COL14A1: variants seen among roughly 807,000 people sequenced by gnomAD.
COL14A1 encodes the protein collagen alpha-1(XIV) chain.
A neutral mutation model predicts 230.3 loss-of-function variants in COL14A1; 136 were observed. That is an observed-to-expected ratio of 0.59 (90% CI 0.51 to 0.68). The LOEUF (loss-of-function observed/expected upper bound fraction) is 0.68, where lower values mean the gene tolerates loss of function less well. Ranked by LOEUF, COL14A1 falls within the 30% of genes least tolerant of loss-of-function variation. COL14A1 has a pLI of 0.00. For missense variants in COL14A1, 1,976 were observed against 2,215.8 expected (o/e 0.89, Z 2.17); for synonymous variants, 792 against 784.1 (o/e 1.01, Z -0.17).
chr8:120,291,037 AAG>A (rs1195115134), intron 34 of COL14A1, among the ~76,000 whole-genome samples: 1 of 152,204 alleles, frequency 6.6e-6, no homozygotes, highest in Non-Finnish European at 1.5e-5. Flanking sequence ...CAGTTACAGT[AAG>A]AGACTTTTGG....
At chr8:120,312,868 G>C (rs780444662) in intron 37 of COL14A1, among the ~76,000 whole-genome samples, 1 of 152,210 alleles carries the variant, frequency 6.6e-6, no homozygotes. Context: ...ATACACAGAT[G>C]TTGGAGGTCC....
chr8:120,222,770 T>C (rs1052285641), intron 14 of COL14A1, among the ~76,000 whole-genome samples: 2 of 122,504 alleles, frequency 1.6e-5, no homozygotes, highest in African/African-American at 6.0e-5. Flanking sequence ...TTCTATTCAC[T>C]CAAAAAAAAA....
intron 5 of COL14A1, among the ~76,000 whole-genome samples, chr8:120,193,339 C>T (rs1389938932): frequency 2.6e-5 from 4 of 152,206 alleles, no homozygotes; most frequent in Non-Finnish European, 4.4e-5. Flanking sequence ...TGCGTATCAG[C>T]AACGGTGGCT....
intron 1 of COL14A1, among the ~76,000 whole-genome samples, chr8:120,145,639 A>G (rs1000804538): frequency 1.3e-5 from 2 of 152,148 alleles, no homozygotes; most frequent in African/African-American, 4.8e-5. Flanking sequence ...ACAAACAAAC[A>G]AACAATGCAT....
At chr8:120,343,843 T>C (rs994844942) in intron 44 of COL14A1, among the ~76,000 whole-genome samples, 11 of 152,186 alleles carry the variant, frequency 7.2e-5, no homozygotes, top group Non-Finnish European at 1.6e-4. Context: ...TGATTTCAAG[T>C]GTACAATGTA....
At chr8:120,241,960 G>A (rs1818620280) in intron 19 of COL14A1, among the ~76,000 whole-genome samples, 1 of 152,058 alleles carries the variant, frequency 6.6e-6, no homozygotes, top group Non-Finnish European at 1.5e-5. Flanking sequence ...AATCCAAAAC[G>A]TTTTGAACAC....
intron 37 of COL14A1, 57 bp downstream of exon 37, chr8:120,310,119 A>AG: frequency 1.3e-6 from 2 of 1,561,868 alleles, no homozygotes; most frequent in South Asian, 2.3e-5. Flanking sequence ...TCTCATAAAT[A>AG]GCCATCATTT....
intron 36 of COL14A1, among the ~76,000 whole-genome samples, chr8:120,304,863 C>T (rs1297172758): frequency 6.6e-6 from 1 of 152,092 alleles, no homozygotes; most frequent in South Asian, 2.1e-4. Flanking sequence ...TCCAAGAAAT[C>T]AAGTCCCTAG....
chr8:120,263,108 C>G, intron 24 of COL14A1, 94 bp downstream of exon 24: 1 of 1,346,650 alleles, frequency 7.4e-7, no homozygotes, highest in Non-Finnish European at 9.9e-7. Flanking sequence ...AAAATATTAG[C>G]TATTGCTGTT....
At chr8:120,224,453 A>G (rs1818032978) in intron 14 of COL14A1, among the ~76,000 whole-genome samples, 1 of 152,004 alleles carries the variant, frequency 6.6e-6, no homozygotes, top group African/African-American at 2.4e-5. Flanking sequence ...CAACCCACCC[A>G]TCTTCTCTTA....
intron 1 of COL14A1, among the ~76,000 whole-genome samples, chr8:120,130,934 T>C (rs1054098193): frequency 2.0e-5 from 3 of 152,160 alleles, no homozygotes; most frequent in African/African-American, 7.2e-5. Flanking sequence ...CCATGTGTAC[T>C]GTTTAGCTCC....
At chr8:120,299,865 T>C (rs1313038454) in intron 35 of COL14A1, among the ~76,000 whole-genome samples, 1 of 152,156 alleles carries the variant, frequency 6.6e-6, no homozygotes, top group Non-Finnish European at 1.5e-5. Context: ...CTGTCATCTG[T>C]GCTCTATTTG....
chr8:120,269,986 A>G (rs1310872930), intron 25 of COL14A1, 49 bp from the exon 26 acceptor site: 14 of 1,602,184 alleles, frequency 8.7e-6, no homozygotes, highest in Non-Finnish European at 1.1e-5. Context: ...TTTAATAACT[A>G]CTAACTTTTC....
chr8:120,297,574 G>T lies in COL14A1; in HGVS notation c.4300G>T (p.Glu1434Ter). 7.1e-7 allele frequency: 1 copy of T among 1,412,658 alleles called. No homozygotes were observed. The highest frequency in any genetic ancestry group is 9.3e-7 in the Non-Finnish European group (1 of 1,077,616). The allele number at this position is 1,412,658 out of a possible 1,614,324, so 87.5% of individuals were successfully genotyped here. A position where few individuals can be genotyped will look rare whatever the true frequency, so the allele number is the denominator to read the frequency against. The change falls in exon 35 of 48, where the codon GAA becomes TAA. Residue 1434 changes from glutamate to a stop codon, truncating the protein, a stop_gained. Coordinates refer to ENST00000297848, the MANE Select transcript of COL14A1 (RefSeq NM_021110.4). LOFTEE classifies it high-confidence loss of function. ...TSWANTDKCC[E>*]LPGLRDDESC... ...ATGGGCCAATACAGACAAATGCTGT[G>T]AACTTCCAGGCCTGGTAAGAATTCT...
intron 34 of COL14A1, among the ~76,000 whole-genome samples, chr8:120,295,565 ATAT>A (rs1457816735): frequency 1.3e-5 from 2 of 151,798 alleles, no homozygotes; most frequent in East Asian, 3.9e-4. Flanking sequence ...CATTTCATAG[ATAT>A]TATTATTGTG....
chr8:120,348,887 C>A (rs183984063), intron 45 of COL14A1, among the ~76,000 whole-genome samples: 8 of 152,228 alleles, frequency 5.3e-5, no homozygotes, highest in Non-Finnish European at 7.4e-5. Flanking sequence ...TTATTTTTAC[C>A]CTTCCTGTTA....
chr8:120,165,629 A>G (rs920665283), intron 4 of COL14A1, among the ~76,000 whole-genome samples: 1 of 152,210 alleles, frequency 6.6e-6, no homozygotes, highest in Non-Finnish European at 1.5e-5. Flanking sequence ...CATGAGGAAG[A>G]CATATATATC....
intron 42 of COL14A1, among the ~76,000 whole-genome samples, chr8:120,338,324 G>T (rs1011630926): frequency 6.6e-6 from 1 of 152,164 alleles, no homozygotes; most frequent in Non-Finnish European, 1.5e-5. Context: ...GACATGAGCT[G>T]GCAGAATTGC....
chr8:120,321,099 G>GA (rs1214580740), intron 40 of COL14A1, among the ~76,000 whole-genome samples: 1 of 152,162 alleles, frequency 6.6e-6, no homozygotes, highest in Non-Finnish European at 1.5e-5. Context: ...GTTACTGTGA[G>GA]AAAATCTTTC....
Sources: allele counts gnomAD v4.1 joint callset (sites outside exome capture counted in the v4.1 genomes callset), GRCh38; gene constraint gnomAD v4.1.1; transcripts MANE v1.5; gene names NCBI Gene and HGNC (gene_info 2026-07-23, HGNC 2026-07-21).